RAB38: variants seen among roughly 807,000 people sequenced by gnomAD.
The protein encoded by RAB38 is ras-related protein Rab-38.
In RAB38, 15 loss-of-function variants were observed where a neutral mutation model predicts 18.4. The observed-to-expected ratio is 0.82, with a 90% CI of 0.55 to 1.26. The LOEUF is 1.26. RAB38 is among the 50% of genes most tolerant of loss of function. The probability of loss-of-function intolerance (pLI) is 0.00; values close to 1 mark genes in which losing one functional copy is unlikely to be tolerated. For missense variants in RAB38, 294 were observed against 267.4 expected, an observed-to-expected ratio of 1.10 and a Z score of -0.69; for synonymous variants, 101 against 104.4, an observed-to-expected ratio of 0.97 and a Z score of 0.20.
chr11:88,172,265 T>C (rs951986201), intron 1 of RAB38, among the ~76,000 whole-genome samples: 1 of 152,234 alleles, frequency 6.6e-6, no homozygotes, highest in Non-Finnish European at 1.5e-5. Context: ...CCAGGCCAAC[T>C]GCTGTCCCCT....
the RAB38 span, among the ~76,000 whole-genome samples, chr11:87,828,108 A>C: frequency 1.3e-5 from 2 of 152,224 alleles, no homozygotes; most frequent in African/African-American, 4.8e-5. Context: ...TCTGTGCTCT[A>C]TCTTTGCAAC....
chr11:88,005,464 G>T, the RAB38 span, among the ~76,000 whole-genome samples: 4 of 150,948 alleles, frequency 2.6e-5, no homozygotes, highest in Admixed American at 1.3e-4. Context: ...TCACTCCTAC[G>T]TCAAACTACA....
At chr11:88,049,357 T>G in the RAB38 span, among the ~76,000 whole-genome samples, 3 of 152,226 alleles carry the variant, frequency 2.0e-5, no homozygotes, top group East Asian at 3.9e-4. Flanking sequence ...CCTAAACTGA[T>G]GACATTACCT....
chr11:88,139,749 G>C (rs943482201), intron 2 of RAB38, among the ~76,000 whole-genome samples: 2 of 152,166 alleles, frequency 1.3e-5, no homozygotes, highest in African/African-American at 4.8e-5. Flanking sequence ...CAAGGCATCT[G>C]CAATCTTACC....
chr11:87,951,249 G>A, the RAB38 span, among the ~76,000 whole-genome samples: 2 of 151,944 alleles, frequency 1.3e-5, no homozygotes, highest in African/African-American at 4.8e-5. Flanking sequence ...GGTCCTTTAA[G>A]GACTTCTCCT....
At chr11:87,935,472 T>A in the RAB38 span, among the ~76,000 whole-genome samples, 2 of 152,142 alleles carry the variant, frequency 1.3e-5, no homozygotes, top group African/African-American at 4.8e-5. Context: ...AGTTTGTTAT[T>A]CTGTCCTGAG....
At chr11:87,966,361 C>A in the RAB38 span, among the ~76,000 whole-genome samples, 3 of 152,042 alleles carry the variant, frequency 2.0e-5, no homozygotes, top group Non-Finnish European at 4.4e-5. Context: ...AGACACAGCC[C>A]ATACTCATTT....
the RAB38 span, among the ~76,000 whole-genome samples, chr11:87,976,655 T>TTTTATATGATATATGA: frequency 1.8e-4 from 4 of 22,516 alleles, no homozygotes; most frequent in Non-Finnish European, 3.5e-4. Context: ...GATATATAAA[T>TTTTATATGATATATGA]ATATATAATT....
At chr11:88,139,347 A>C (rs1236468809) in intron 2 of RAB38, among the ~76,000 whole-genome samples, 2 of 152,170 alleles carry the variant, frequency 1.3e-5, no homozygotes, top group African/African-American at 4.8e-5. Flanking sequence ...TATTCTTGGC[A>C]ACCCAGATTA....
the RAB38 span, among the ~76,000 whole-genome samples, chr11:87,942,748 C>A: frequency 2.0e-5 from 3 of 152,132 alleles, no homozygotes; most frequent in Non-Finnish European, 4.4e-5. Flanking sequence ...CTGAAGATAA[C>A]AGGACGAACC....
chr11:87,935,413 T>C, the RAB38 span, among the ~76,000 whole-genome samples: 5 of 152,126 alleles, frequency 3.3e-5, no homozygotes, highest in African/African-American at 1.2e-4. Flanking sequence ...CCTTTCTCAT[T>C]TCAGACCATG....
chr11:88,086,715 T>C, the RAB38 span, among the ~76,000 whole-genome samples: 2 of 151,842 alleles, frequency 1.3e-5, no homozygotes, highest in African/African-American at 2.4e-5. Context: ...AGCAGAAAAA[T>C]ATAAATGGAT....
chr11:87,840,474 C>T, the RAB38 span, among the ~76,000 whole-genome samples: 4 of 152,150 alleles, frequency 2.6e-5, no homozygotes, highest in African/African-American at 4.8e-5. Flanking sequence ...AGTGGAATGT[C>T]GGACTACCTT....
chr11:87,830,394 T>C, the RAB38 span, among the ~76,000 whole-genome samples: 1 of 151,904 alleles, frequency 6.6e-6, no homozygotes, highest in African/African-American at 2.4e-5. Context: ...GGTGGAAGAA[T>C]AGTTTGAACT....
At chr11:88,105,412 T>C in the RAB38 span, among the ~76,000 whole-genome samples, 3 of 152,144 alleles carry the variant, frequency 2.0e-5, no homozygotes, top group Admixed American at 6.6e-5. Flanking sequence ...TCAGGAATGT[T>C]TGAGTTATAG....
chr11:88,154,512 A>G (rs999014189), intron 1 of RAB38, among the ~76,000 whole-genome samples: 7 of 152,114 alleles, frequency 4.6e-5, no homozygotes, highest in Non-Finnish European at 1.0e-4. Context: ...TGCTCCCCTG[A>G]GATTGTGGTG....
the RAB38 span, among the ~76,000 whole-genome samples, chr11:87,881,204 C>G: frequency 6.6e-6 from 1 of 151,786 alleles, no homozygotes; most frequent in East Asian, 2.0e-4. Flanking sequence ...ATAGAAGATA[C>G]TAAAGAGAAT....
At chr11:87,883,382 T>C in the RAB38 span, among the ~76,000 whole-genome samples, 1 of 152,054 alleles carries the variant, frequency 6.6e-6, no homozygotes. Flanking sequence ...ATTTCCTAGC[T>C]AGGTCACCTT....
the RAB38 span, among the ~76,000 whole-genome samples, chr11:87,904,135 G>A: frequency 6.6e-6 from 1 of 151,552 alleles, no homozygotes; most frequent in Non-Finnish European, 1.5e-5. Flanking sequence ...AGGTACACAT[G>A]CCAGTTTGTT....
Sources: gnomAD v4.1 joint callset for allele counts (sites outside exome capture counted in the v4.1 genomes callset) on GRCh38, gnomAD v4.1.1 for gene constraint, MANE v1.5 for transcripts, NCBI Gene and HGNC (gene_info 2026-07-23, HGNC 2026-07-21) for gene names.